COL23A1: variants seen among roughly 807,000 people sequenced by gnomAD.
The protein encoded by COL23A1 is collagen alpha-1(XXIII) chain.
COL23A1 carries 97 observed loss-of-function variants against 99.3 expected under a neutral mutation model. The observed-to-expected ratio is 0.98, with a 90% CI of 0.83 to 1.16. COL23A1 has a LOEUF of 1.16. COL23A1 is among the 50% of genes most tolerant of loss of function. The pLI, the probability that COL23A1 is intolerant of heterozygous loss-of-function variation, is 0.00. For synonymous variants in COL23A1, 320 were observed against 308.2 expected, an observed-to-expected ratio of 1.04 and a Z score of -0.40; for missense variants, 762 against 757.4, an observed-to-expected ratio of 1.01 and a Z score of -0.07.
At chr5:178,239,021 TGCGAGAA>T (rs1248504349) in intron 28 of COL23A1, 113 bp downstream of exon 28, 15 of 1,157,212 alleles carry the variant, frequency 1.3e-5, no homozygotes, top group Non-Finnish European at 1.9e-5. Context: ...TCAGTCACTG[TGCGAGAA>T]GCCGCAGACA....
chr5:178,416,255 T>C (rs1388327207), intron 2 of COL23A1, among the ~76,000 whole-genome samples: 2 of 152,184 alleles, frequency 1.3e-5, no homozygotes, highest in South Asian at 2.1e-4. Flanking sequence ...GGACCCAATA[T>C]AGACAAGAGA....
chr5:178,512,496 G>A (rs1759264736), intron 2 of COL23A1, among the ~76,000 whole-genome samples: 1 of 152,162 alleles, frequency 6.6e-6, no homozygotes, highest in African/African-American at 2.4e-5. Flanking sequence ...CAGCAAGGGA[G>A]AGAGACAGAT....
At chr5:178,487,844 G>C (rs879691502) in intron 2 of COL23A1, among the ~76,000 whole-genome samples, 1 of 152,202 alleles carries the variant, frequency 6.6e-6, no homozygotes, top group Non-Finnish European at 1.5e-5. Flanking sequence ...AGGAAGACAA[G>C]AGCCACATTT....
intron 2 of COL23A1, among the ~76,000 whole-genome samples, chr5:178,345,501 A>G (rs2127669154): frequency 6.7e-6 from 1 of 148,914 alleles, no homozygotes; most frequent in South Asian, 2.1e-4. Context: ...AGGACTTTCT[A>G]TTTTCGTATT....
At chr5:178,291,576 G>A (rs575637162) in intron 3 of COL23A1, among the ~76,000 whole-genome samples, 4 of 152,336 alleles carry the variant, frequency 2.6e-5, no homozygotes, top group African/African-American at 7.2e-5. Context: ...GCCGGAGAAG[G>A]CAGGGCCAGC....
At chr5:178,259,971 G>GA (rs1395333868) in intron 11 of COL23A1, among the ~76,000 whole-genome samples, 2 of 152,240 alleles carry the variant, frequency 1.3e-5, no homozygotes, top group African/African-American at 2.4e-5. Flanking sequence ...CACTGTTCTT[G>GA]AAAGTGGAGA....
intron 2 of COL23A1, among the ~76,000 whole-genome samples, chr5:178,530,465 A>G (rs187770122): frequency 6.6e-6 from 1 of 152,180 alleles, no homozygotes; most frequent in Non-Finnish European, 1.5e-5. Flanking sequence ...TGTTTCAAAA[A>G]AAAAGGCAGA....
At chr5:178,240,213 G>A (rs1208868112) in intron 27 of COL23A1, among the ~76,000 whole-genome samples, 1 of 152,224 alleles carries the variant, frequency 6.6e-6, no homozygotes, top group Non-Finnish European at 1.5e-5. Context: ...ACTCATCAGG[G>A]ACACCAAGGC....
intron 18 of COL23A1, among the ~76,000 whole-genome samples, chr5:178,249,716 A>ACTCTCT (rs59946818): frequency 1.9e-4 from 18 of 92,806 alleles, no homozygotes; most frequent in South Asian, 8.4e-4. Flanking sequence ...ACACACACAC[A>ACTCTCT]CTCTCTCTCT....
At chr5:178,547,511 CCACACCCACACACT>C (rs1462706338) in intron 2 of COL23A1, among the ~76,000 whole-genome samples, 3 of 112,948 alleles carry the variant, frequency 2.7e-5, no homozygotes, top group Non-Finnish European at 5.6e-5. Context: ...ATACACACCC[CCACACCCACACACT>C]CACACCCACA....
chr5:178,572,198 C>T (rs1331237672), intron 1 of COL23A1, among the ~76,000 whole-genome samples: 1 of 150,706 alleles, frequency 6.6e-6, no homozygotes, highest in Non-Finnish European at 1.5e-5. Context: ...AACTAGAAGA[C>T]AGCAATGGAA....
In COL23A1 at chr5:178,582,165, C is replaced by T. The variant is rs927420393; in HGVS notation, c.294+7739G>A. On this transcript the variant is annotated intron_variant, in intron 1 of 28. Coordinates refer to ENST00000390654, the MANE Select transcript of COL23A1 (RefSeq NM_173465.4). ...AAGACTGCAGTGAGCTATGATCACA[C>T]GACTGCACTCCAGCCTGGGAGACAG... Among the ~76,000 whole-genome samples, 38 of 131,588 alleles carry T rather than the reference C, an allele frequency of 2.9e-4. 1 individual carries two copies. Among genetic ancestry groups the T allele is most frequent in the Admixed American group, 2.8e-3 (31 of 11,162 alleles). 86.3% of individuals were successfully genotyped at this position (131,588 alleles called of 152,430 possible).
chr5:178,358,228 G>A (rs1175377356), intron 2 of COL23A1, among the ~76,000 whole-genome samples: 1 of 60,496 alleles, frequency 1.7e-5, no homozygotes, highest in East Asian at 9.0e-4. Flanking sequence ...TGTCTAATGT[G>A]TGTATGTGTG....
intron 5 of COL23A1, among the ~76,000 whole-genome samples, chr5:178,275,828 C>T (rs991723776): frequency 3.9e-5 from 6 of 152,178 alleles, no homozygotes; most frequent in African/African-American, 7.2e-5. Flanking sequence ...TTCAGCCCCC[C>T]GGTCCTGACC....
At position 178,285,953 on chromosome 5, in the gene COL23A1, T is replaced by A. The variant is rs185623273; in HGVS notation, c.441+2371A>T. 1.0e-3 allele frequency among the ~76,000 whole-genome samples: 159 copies of A among 152,328 alleles called. 2 individuals are homozygous for A. In the South Asian group the frequency reaches 0.023, roughly 22 times the overall value. ...GCTGAGCGGGGTGTCTGCCCCACCC[T>A]GTGGGTCTCACGGAAGGAGTGGCCC... On this transcript the variant is annotated intron_variant, in intron 5 of 28. Transcript: ENST00000390654.
intron 2 of COL23A1, among the ~76,000 whole-genome samples, chr5:178,486,074 T>C (rs1414463167): frequency 6.6e-6 from 1 of 152,226 alleles, no homozygotes; most frequent in Non-Finnish European, 1.5e-5. Flanking sequence ...GTTAAAACTG[T>C]TTGAAATGAC....
intron 2 of COL23A1, among the ~76,000 whole-genome samples, chr5:178,394,774 C>A (rs1452986703): frequency 1.5e-5 from 2 of 133,132 alleles, no homozygotes; most frequent in African/African-American, 5.0e-5. Flanking sequence ...CATAGCAGGG[C>A]TAGAATTACA....
rs116786077 is a variant in COL23A1, at chr5:178,394,445, C to G, written c.362-87526G>C. Among the ~76,000 whole-genome samples, 537 of 152,328 alleles carry G rather than the reference C, an allele frequency of 3.5e-3. 3 individuals carry two copies. The highest frequency in any genetic ancestry group is 0.012 in the African/African-American group (511 of 41,576). ...CCACCAGCCCTCTCTCAGCTCACTCCCTGAAGATCTCCAAGGAAGACAACT... is the reference window on the plus strand; with the variant it reads ...CCACCAGCCCTCTCTCAGCTCACTCGCTGAAGATCTCCAAGGAAGACAACT... On this transcript the variant is annotated intron_variant, in intron 2 of 28. Coordinates refer to ENST00000390654, the MANE Select transcript of COL23A1 (RefSeq NM_173465.4).
At chr5:178,262,771 G>C (rs1419064828) in intron 9 of COL23A1, among the ~76,000 whole-genome samples, 1 of 152,134 alleles carries the variant, frequency 6.6e-6, no homozygotes, top group Non-Finnish European at 1.5e-5. Flanking sequence ...GATTGGGACT[G>C]GGATTGCAAC....
Sources: gnomAD v4.1 joint callset for allele counts (sites outside exome capture counted in the v4.1 genomes callset) on GRCh38, gnomAD v4.1.1 for gene constraint, MANE v1.5 for transcripts, NCBI Gene and HGNC (gene_info 2026-07-23, HGNC 2026-07-21) for gene names.